The following VWDE variants were observed in gnomAD, a reference collection of about 807,000 sequenced individuals.
VWDE encodes von Willebrand factor D and EGF domain-containing protein.
In VWDE, 207 loss-of-function variants were observed where a neutral mutation model predicts 178.4. The ratio of observed to expected loss-of-function variants is 1.16; its 90% CI spans 1.04 to 1.30. The LOEUF is 1.30. Ranked by LOEUF, VWDE falls within the 50% of genes most tolerant of loss-of-function variation. The probability of loss-of-function intolerance (pLI) is 0.00; values close to 1 mark genes in which losing one functional copy is unlikely to be tolerated. For missense variants in VWDE, 2,287 were observed against 1,901.3 expected (o/e 1.20, Z -3.77); for synonymous variants, 738 against 651.4 (o/e 1.13, Z -2.02).
At chr7:12,355,107 A>G (rs1443821163) in intron 18 of VWDE, among the ~76,000 whole-genome samples, 2 of 152,188 alleles carry the variant, frequency 1.3e-5, no homozygotes, top group Non-Finnish European at 2.9e-5. Flanking sequence ...ATCTACATTC[A>G]TAGTTCCCAA....
chr7:12,363,414 T>A (rs528034470), intron 13 of VWDE, among the ~76,000 whole-genome samples: 1 of 152,102 alleles, frequency 6.6e-6, no homozygotes, highest in Non-Finnish European at 1.5e-5. Context: ...GTTAACATCC[T>A]GTATTTAATC....
rs111337147 is a variant in VWDE at position 12,367,541 on chromosome 7, G to GA, written c.2762-49dup. On this transcript the variant is annotated intron_variant, in intron 12 of 28. Coordinates refer to ENST00000275358, the MANE Select transcript of VWDE (RefSeq NM_001135924.3). ...ATACTACATATTTTACTTAATTTCA[G>GA]AAAAAAAAACTAATTATTTCCAAGC... 5,718 of 1,314,640 alleles carry GA rather than the reference G, an allele frequency of 4.3e-3. 1 individual carries two copies. Among genetic ancestry groups the GA allele is most frequent in the South Asian group, 5.6e-3 (312 of 55,696 alleles). 81.4% of individuals were successfully genotyped at this position (1,314,640 alleles called of 1,614,324 possible).
chr7:12,351,519 A>C, intron 19 of VWDE, 54 bp downstream of exon 19: 1 of 1,481,048 alleles, frequency 6.8e-7, no homozygotes. Flanking sequence ...GTCTTCTAGA[A>C]AACAAGTAAG....
chr7:12,353,522 T>C (rs1378841053), intron 18 of VWDE, among the ~76,000 whole-genome samples: 5 of 152,218 alleles, frequency 3.3e-5, no homozygotes, highest in African/African-American at 1.2e-4. Context: ...TCTCTCATCA[T>C]GCTAAAACCA....
intron 1 of VWDE, among the ~76,000 whole-genome samples, chr7:12,402,031 A>G (rs1394080705): frequency 6.6e-6 from 1 of 152,224 alleles, no homozygotes; most frequent in Admixed American, 6.5e-5. Flanking sequence ...TAGATGAAGT[A>G]AGCCAGTCAC....
At chr7:12,333,410 G>T in intron 28 of VWDE, 55 bp downstream of exon 28, 1 of 1,053,596 alleles carries the variant, frequency 9.5e-7, no homozygotes, top group South Asian at 1.6e-5. Context: ...CTAAGTAGAA[G>T]AGATATGCAA....
intron 1 of VWDE, among the ~76,000 whole-genome samples, chr7:12,402,738 A>G (rs1227605614): frequency 1.3e-5 from 2 of 152,184 alleles, no homozygotes; most frequent in Non-Finnish European, 2.9e-5. Flanking sequence ...TGATTTTAGT[A>G]TTTTATTTTT....
chr7:12,401,557 G>C (rs1275068246), intron 1 of VWDE, among the ~76,000 whole-genome samples: 1 of 152,122 alleles, frequency 6.6e-6, no homozygotes, highest in Non-Finnish European at 1.5e-5. Flanking sequence ...GACATCATTA[G>C]CCATTAGGAA....
chr7:12,398,863 A>T (rs982691772), intron 1 of VWDE, among the ~76,000 whole-genome samples: 2 of 152,118 alleles, frequency 1.3e-5, no homozygotes, highest in Admixed American at 1.3e-4. Context: ...AGACATAAAG[A>T]TGGGAACAAT....
rs138101351 is a variant in VWDE at position 12,340,768 on chromosome 7, G to T, written c.4271-351C>A. ...ATGCCTTCACTAAGCTAGAAGAAAC[G>T]ATTGCAAGTTAAGAGAAGACAATTC... is the stretch of plus-strand genomic sequence containing the variant. On this transcript the variant is annotated intron_variant, in intron 23 of 28. Transcript: ENST00000275358. Among the ~76,000 whole-genome samples, 4 of 152,248 alleles carry T rather than the reference G, an allele frequency of 2.6e-5. No homozygotes were observed. In the East Asian group the frequency reaches 7.7e-4, roughly 29 times the overall value.
intron 12 of VWDE, 102 bp downstream of exon 12, chr7:12,369,443 C>A (rs1783030973): frequency 1.5e-6 from 2 of 1,352,764 alleles, no homozygotes; most frequent in African/African-American, 1.5e-5. Flanking sequence ...TCTATAAAAT[C>A]TGAATAAACA....
chr7:12,385,729 A>G (rs747272149), intron 3 of VWDE, among the ~76,000 whole-genome samples: 16 of 152,230 alleles, frequency 1.1e-4, no homozygotes, highest in Non-Finnish European at 2.2e-4. Context: ...TCTAAACGGT[A>G]TTCCAAGGCA....
intron 9 of VWDE, among the ~76,000 whole-genome samples, chr7:12,374,130 C>T (rs111918613): frequency 4.6e-5 from 7 of 152,192 alleles, no homozygotes; most frequent in African/African-American, 1.7e-4. Context: ...AACGATATAA[C>T]TGAGTTTAAA....
chr7:12,394,457 G>C (rs1784536423), intron 1 of VWDE, among the ~76,000 whole-genome samples: 1 of 152,116 alleles, frequency 6.6e-6, no homozygotes, highest in African/African-American at 2.4e-5. Context: ...GTCTTTTTTA[G>C]GAAACCTTTT....
In VWDE at chr7:12,370,318, G is replaced by A; in HGVS notation, c.1988C>T (p.Pro663Leu). 6.4e-7 allele frequency: 1 copy of A among 1,551,056 alleles called. No homozygotes were observed. Among genetic ancestry groups the A allele is most frequent in the Non-Finnish European group, 8.7e-7 (1 of 1,146,790 alleles). The change falls in exon 12 of 29, where the codon CCA (proline) becomes CTA (leucine). Residue 663 changes from proline to leucine, a missense_variant. By Grantham distance (98) the Pro-to-Leu change is moderately conservative (BLOSUM62 -3). Coordinates refer to ENST00000275358, the MANE Select transcript of VWDE (RefSeq NM_001135924.3). ...LNHVSLSSLIPELDVTSEYIN... is the reference protein window; with the variant it reads ...LNHVSLSSLILELDVTSEYIN... The stretch of plus-strand genomic sequence containing the variant: ...ATATTCGGAGGTGACATCTAGTTCT[G>A]GTATCAAAGAAGATAAGCTGACATG...
chr7:12,387,860 A>G (rs1408410807), intron 3 of VWDE, among the ~76,000 whole-genome samples: 1 of 151,750 alleles, frequency 6.6e-6, no homozygotes, highest in African/African-American at 2.4e-5. Context: ...AACCCAGGTA[A>G]CTAAATTGGG....
chr7:12,343,204 G>C, intron 21 of VWDE, 26 bp from the exon 22 acceptor site: 1 of 1,497,254 alleles, frequency 6.7e-7, no homozygotes, highest in Non-Finnish European at 9.0e-7. Flanking sequence ...ATGTTATTAT[G>C]TCAGTTCTTA....
chr7:12,392,575 G>A (rs909264483), intron 2 of VWDE, among the ~76,000 whole-genome samples: 12 of 152,268 alleles, frequency 7.9e-5, no homozygotes, highest in Middle Eastern at 3.4e-3. Flanking sequence ...ATTGTCAATA[G>A]AAATTCAGAG....
At chr7:12,333,342 C>A in intron 28 of VWDE, 123 bp downstream of exon 28, 2 of 649,614 alleles carry the variant, frequency 3.1e-6, no homozygotes, top group Middle Eastern at 4.2e-4. Flanking sequence ...ATTTTAGAGG[C>A]AAATAAATGC....
Sources: allele counts gnomAD v4.1 joint callset (sites outside exome capture counted in the v4.1 genomes callset), GRCh38; gene constraint gnomAD v4.1.1; transcripts MANE v1.5; gene names NCBI Gene and HGNC (gene_info 2026-07-23, HGNC 2026-07-21).